The following IRAG2 variants were observed in gnomAD, a reference collection of about 807,000 sequenced individuals.
IRAG2 encodes the protein inositol 1,4,5-triphosphate receptor associated 2.
A neutral mutation model predicts 69.9 loss-of-function variants in IRAG2; 45 were observed. The ratio of observed to expected loss-of-function variants is 0.64; its 90% confidence interval spans 0.51 to 0.83. IRAG2 has a LOEUF of 0.83. Among genes scored for constraint, IRAG2 ranks in the 40% least tolerant of loss-of-function variants. The probability of loss-of-function intolerance (pLI) is 0.00; values close to 1 mark genes in which losing one functional copy is unlikely to be tolerated. For synonymous variants in IRAG2, 193 were observed against 202.4 expected (o/e 0.95, Z 0.40); for missense variants, 520 against 587.0 (o/e 0.89, Z 1.18).
At chr12:25,071,217 G>A (rs1184446926) in intron 6 of IRAG2, among the ~76,000 whole-genome samples, 1 of 151,978 alleles carries the variant, frequency 6.6e-6, no homozygotes, top group East Asian at 1.9e-4. Flanking sequence ...TAGGTGGCGG[G>A]CACCTATACT....
chr12:25,020,785 C>T (rs1351317575), intron 6 of IRAG2: 1 of 1,221,950 alleles, frequency 8.2e-7, no homozygotes, highest in Non-Finnish European at 1.0e-6. Flanking sequence ...CCCCCACCCC[C>T]ACAGTGCCCA....
chr12:25,101,280 GTTC>G lies in IRAG2; in HGVS notation c.849_851del (p.Leu284del), dbSNP rs749947034. ...CGCTGAATTAGAAGAACTGAAACAG[GTTC>G]TTCTGCAGAATGAAAGGTCTTTCAA... On this transcript the variant is annotated inframe_deletion, in exon 16 of 22. Transcript: ENST00000556887. 8.7e-6 allele frequency: 14 copies of G among 1,610,772 alleles called. No individual in the cohort carries two copies. The highest frequency in any genetic ancestry group is 3.3e-5 in the Admixed American group (2 of 59,712).
chr12:25,063,417 C>T (rs1945762053), intron 3 of IRAG2, among the ~76,000 whole-genome samples: 1 of 152,144 alleles, frequency 6.6e-6, no homozygotes, highest in African/African-American at 2.4e-5. Flanking sequence ...CTCACCTATA[C>T]CTCTTTCCTC....
At chr12:25,028,115 G>A (rs558593935) in intron 9 of IRAG2, among the ~76,000 whole-genome samples, 1 of 152,108 alleles carries the variant, frequency 6.6e-6, no homozygotes, top group East Asian at 1.9e-4. Context: ...GGTAAAGATG[G>A]GATTTCACCA....
intron 2 of IRAG2, among the ~76,000 whole-genome samples, chr12:25,008,714 G>A (rs1242293838): frequency 6.6e-6 from 1 of 152,124 alleles, no homozygotes; most frequent in East Asian, 1.9e-4. Context: ...ACTCCAGCCT[G>A]GGAGACAAAG....
intron 11 of IRAG2, 49 bp downstream of exon 11, chr12:25,088,206 A>C (rs778832422): frequency 4.8e-6 from 7 of 1,462,598 alleles, no homozygotes; most frequent in Non-Finnish European, 5.8e-6. Flanking sequence ...TTCTCTGCTG[A>C]TATTTTTGTG....
chr12:25,046,496 G>T (rs576293453), intron 16 of IRAG2, among the ~76,000 whole-genome samples: 1 of 152,062 alleles, frequency 6.6e-6, no homozygotes, highest in Non-Finnish European at 1.5e-5. Flanking sequence ...TAGTAAAGTT[G>T]CATGACACAA....
At chr12:25,101,140 A>G in intron 15 of IRAG2, 38 bp from the exon 16 acceptor site, 3 of 1,560,606 alleles carry the variant, frequency 1.9e-6, no homozygotes, top group Non-Finnish European at 2.6e-6. Flanking sequence ...TGAGAGTAGT[A>G]TTTTCAATGT....
chr12:25,080,096 C>G (rs1272893179), intron 9 of IRAG2, among the ~76,000 whole-genome samples: 2 of 152,186 alleles, frequency 1.3e-5, no homozygotes, highest in Non-Finnish European at 2.9e-5. Context: ...GTGACATCAT[C>G]TGCTTAGGAA....
intron 1 of IRAG2, among the ~76,000 whole-genome samples, chr12:25,055,072 C>T (rs1347912091): frequency 6.6e-6 from 1 of 152,206 alleles, no homozygotes; most frequent in Non-Finnish European, 1.5e-5. Flanking sequence ...AATAAATTCA[C>T]AAAGTATTTC....
intron 9 of IRAG2, among the ~76,000 whole-genome samples, chr12:25,027,763 C>G (rs142430337): frequency 6.6e-6 from 1 of 152,212 alleles, no homozygotes; most frequent in African/African-American, 2.4e-5. Flanking sequence ...GTTCACTCAT[C>G]AGGTGATGGG....
At chr12:25,096,531 A>G (rs1948430090) in intron 14 of IRAG2, among the ~76,000 whole-genome samples, 1 of 152,198 alleles carries the variant, frequency 6.6e-6, no homozygotes, top group Non-Finnish European at 1.5e-5. Flanking sequence ...ATGTTTGGTT[A>G]CGTTTCTTAA....
rs1436586576 is a variant in IRAG2 at position 25,052,959 on chromosome 12, G to T, written c.-447+3G>T. On this transcript the variant is annotated splice_donor_region_variant and intron_variant, in intron 1 of 21. Coordinates refer to ENST00000556887, the MANE Select transcript of IRAG2 (RefSeq NM_001366544.2). Reference sequence around the variant, plus strand: ...GCAGAAGACAAGGAAACTGAAGAGTGAGTAGCAAATATTCATTTATGACCC... The same window carrying T: ...GCAGAAGACAAGGAAACTGAAGAGTTAGTAGCAAATATTCATTTATGACCC... 7.5e-6 allele frequency: 3 copies of T among 398,422 alleles called. No individual in the cohort carries two copies. Among genetic ancestry groups the T allele is most frequent in the Non-Finnish European group, 1.3e-5 (3 of 226,036 alleles). 24.7% of individuals were successfully genotyped at this position (398,422 alleles called of 1,614,324 possible).
rs1343291264 is a variant in IRAG2 at position 25,065,779 on chromosome 12, C to T, written c.-206-586C>T. Among the ~76,000 whole-genome samples, 5 of 152,344 alleles carry T rather than the reference C, an allele frequency of 3.3e-5. No homozygotes were observed. In the East Asian group the frequency reaches 9.6e-4, roughly 29 times the overall value. ...CAACCTCTTGGGCTCAAATGATTCT[C>T]CTGCCTTAGCCCCCCAAGTAGCTGG... is the stretch of plus-strand genomic sequence containing the variant. On this transcript the variant is annotated intron_variant, in intron 4 of 21. Coordinates refer to ENST00000556887, the MANE Select transcript of IRAG2 (RefSeq NM_001366544.2).
chr12:25,088,280 C>G, intron 11 of IRAG2, 123 bp downstream of exon 11: 1 of 743,328 alleles, frequency 1.3e-6, no homozygotes, highest in South Asian at 1.7e-5. Flanking sequence ...TAAGGTCAGT[C>G]AATAGGACCG....
chr12:25,028,139 G>A (rs964532050), intron 9 of IRAG2, among the ~76,000 whole-genome samples: 4 of 152,040 alleles, frequency 2.6e-5, no homozygotes, highest in Non-Finnish European at 5.9e-5. Flanking sequence ...TGGCCAGGCT[G>A]TTCTCAAACT....
chr12:25,013,529 TTAAGAAAGA>T (rs1356574296), intron 3 of IRAG2, among the ~76,000 whole-genome samples: 7 of 152,100 alleles, frequency 4.6e-5, no homozygotes, highest in East Asian at 3.9e-4. Context: ...TAATGTAACT[TTAAGAAAGA>T]TAAGAAAGAT....
At chr12:25,101,044 C>CTTTTTTTTTTTTTTTTT in intron 15 of IRAG2, 134 bp from the exon 16 acceptor site, 1 of 609,836 alleles carries the variant, frequency 1.6e-6, no homozygotes, top group South Asian at 3.1e-5. Context: ...AGATGCATGT[C>CTTTTTTTTTTTTTTTTT]TTTTTAAAAA....
intron 6 of IRAG2, chr12:25,076,569 A>G (rs565506322): frequency 1.3e-4 from 126 of 983,728 alleles, no homozygotes; most frequent in Non-Finnish European, 1.4e-4. Flanking sequence ...GGAAACTGGC[A>G]TAATGGAATA....
Sources: allele counts gnomAD v4.1 joint callset (sites outside exome capture counted in the v4.1 genomes callset), GRCh38; gene constraint gnomAD v4.1.1; transcripts MANE v1.5; gene names NCBI Gene and HGNC (gene_info 2026-07-23, HGNC 2026-07-21).